The following ARPP19 variants were observed in gnomAD, a reference collection of about 807,000 sequenced individuals.
The protein encoded by ARPP19 is cAMP regulated phosphoprotein 19.
ARPP19 carries 8 observed loss-of-function variants against 12.0 expected under a neutral mutation model. That is an observed-to-expected ratio of 0.67 (90% confidence interval 0.39 to 1.21). The LOEUF is 1.21. Ranked by LOEUF, ARPP19 falls within the 50% of genes most tolerant of loss-of-function variation. The pLI is 0.01. For synonymous variants in ARPP19, 47 were observed against 50.4 expected (o/e 0.93, Z 0.29); for missense variants, 102 against 136.3 (o/e 0.75, Z 1.25).
At chr15:52,556,233 T>A (rs1308012523) in intron 2 of ARPP19, among the ~76,000 whole-genome samples, 1 of 152,118 alleles carries the variant, frequency 6.6e-6, no homozygotes, top group African/African-American at 2.4e-5. Context: ...TATGAATGTA[T>A]TTAAGGAGAA....
intron 1 of ARPP19, among the ~76,000 whole-genome samples, chr15:52,558,835 C>CG (rs111387062): frequency 0.022 from 3,347 of 150,502 alleles, 114 homozygotes; most frequent in African/African-American, 0.077. Flanking sequence ...TTTGTACCCA[C>CG]GGGGGGGAAA....
At chr15:52,552,798 G>A (rs2077947443) in intron 2 of ARPP19, among the ~76,000 whole-genome samples, 1 of 152,038 alleles carries the variant, frequency 6.6e-6, no homozygotes, top group African/African-American at 2.4e-5. Flanking sequence ...GGCTGGGCAT[G>A]GTGGCTCATG....
intron 1 of ARPP19, chr15:52,557,894 A>C (rs925952570): frequency 7.2e-5 from 11 of 152,252 alleles, no homozygotes; most frequent in African/African-American, 2.4e-4. Flanking sequence ...TTATTTTTAA[A>C]GAAGAGAAAC....
rs2077922769 is a variant in ARPP19 at position 52,550,759 on chromosome 15, G to A, written c.*1175C>T. 1 of 152,510 alleles carries A rather than the reference G, an allele frequency of 6.6e-6. No individual in the cohort carries two copies. The highest frequency in any genetic ancestry group is 2.4e-5 in the African/African-American group (1 of 41,408). 9.4% of individuals were successfully genotyped at this position (152,510 alleles called of 1,614,324 possible). A position where few individuals can be genotyped will look rare whatever the true frequency, so the allele number is the denominator to read the frequency against. On this transcript the variant is annotated 3_prime_UTR_variant, in exon 3 of 3. Coordinates refer to ENST00000249822, the MANE Select transcript of ARPP19 (RefSeq NM_006628.6). ...ATACCATTTGAGTCAAAGAACAAAGGGGAAAAAAAAGCAGGTGGCAGAGGG... is the reference window on the plus strand; with the variant it reads ...ATACCATTTGAGTCAAAGAACAAAGAGGAAAAAAAAGCAGGTGGCAGAGGG...
intron 1 of ARPP19, among the ~76,000 whole-genome samples, chr15:52,561,934 C>CTTT (rs11340086): frequency 3.7e-4 from 47 of 126,944 alleles, no homozygotes; most frequent in South Asian, 1.0e-3. Flanking sequence ...AGTGCACCTA[C>CTTT]TTTTTTTTTT....
chr15:52,553,502 C>T (rs1156892572), intron 2 of ARPP19, among the ~76,000 whole-genome samples: 1 of 152,156 alleles, frequency 6.6e-6, no homozygotes, highest in Non-Finnish European at 1.5e-5. Context: ...TACTGAGTGC[C>T]TGCTATATGT....
In ARPP19 at chr15:52,551,871, G is replaced by A; in HGVS notation, c.*63C>T. On this transcript the variant is annotated 3_prime_UTR_variant, in exon 3 of 3. Coordinates refer to ENST00000249822, the MANE Select transcript of ARPP19 (RefSeq NM_006628.6). The stretch of plus-strand genomic sequence containing the variant: ...AGTGAATGAAAGGAAATAAAAAGTA[G>A]ATAAGTAACATATTAAGGAGAAATA... 2 of 1,229,190 alleles carry A rather than the reference G, an allele frequency of 1.6e-6. No individual in the cohort carries two copies. The highest frequency in any genetic ancestry group is 2.3e-6 in the Non-Finnish European group (2 of 854,868). The allele number at this position is 1,229,190 out of a possible 1,614,324, so 76.1% of individuals were successfully genotyped here. A position where few individuals can be genotyped will look rare whatever the true frequency, so the allele number is the denominator to read the frequency against.
rs756609289 is a variant in ARPP19 at position 52,568,876 on chromosome 15, G to C, written c.17C>G (p.Pro6Arg). Reference sequence around the variant, plus strand: ...CTGCTCCTCCGCGGAGGCTGCCTCGGGGACTTCCGCAGACATAGTGCTCCC... The same window carrying C: ...CTGCTCCTCCGCGGAGGCTGCCTCGCGGACTTCCGCAGACATAGTGCTCCC... MSAEV[P>R]EAASAEEQKE... Residue 6 changes from proline (P) to arginine (R), a missense_variant, in exon 1 of 3, where the codon CCC becomes CGC. Pro to Arg is a moderately radical substitution (Grantham distance 103, BLOSUM62 -2). Coordinates refer to ENST00000249822, the MANE Select transcript of ARPP19 (RefSeq NM_006628.6). 1 of 1,575,238 alleles carries C rather than the reference G, an allele frequency of 6.3e-7. No individual in the cohort carries two copies. Among genetic ancestry groups the C allele is most frequent in the Non-Finnish European group, 8.6e-7 (1 of 1,164,530 alleles).
upstream of ARPP19, chr15:52,569,248 C>T (rs1185937834): frequency 6.4e-6 from 2 of 312,250 alleles, no homozygotes; most frequent in African/African-American, 2.3e-5. Context: ...CTAAGTGGAA[C>T]CGCCCCTCCC....
At chr15:52,560,095 G>C (rs990851035) in intron 1 of ARPP19, among the ~76,000 whole-genome samples, 6 of 152,092 alleles carry the variant, frequency 3.9e-5, no homozygotes, top group Non-Finnish European at 7.4e-5. Context: ...ACTTACTCTG[G>C]TTTCCAGTGT....
chr15:52,569,035 C>A (rs1352436747), upstream of ARPP19: 2 of 629,942 alleles, frequency 3.2e-6, no homozygotes, highest in Non-Finnish European at 5.5e-6. Flanking sequence ...TATGACGACA[C>A]GGAGCCGCGA....
rs11340086 is a variant in ARPP19 at position 52,561,934 on chromosome 15, C to CTTTT, written c.46-4716_46-4713dup. Among the ~76,000 whole-genome samples, 25 of 126,968 alleles carry CTTTT rather than the reference C, an allele frequency of 2.0e-4. 1 individual carries two copies. Among genetic ancestry groups the CTTTT allele is most frequent in the South Asian group, 1.3e-3 (5 of 3,868 alleles). 83.3% of individuals were successfully genotyped at this position (126,968 alleles called of 152,430 possible). A position where few individuals can be genotyped will look rare whatever the true frequency, so the allele number is the denominator to read the frequency against. On this transcript the variant is annotated intron_variant, in intron 1 of 2. Coordinates refer to ENST00000249822, the MANE Select transcript of ARPP19 (RefSeq NM_006628.6). The stretch of plus-strand genomic sequence containing the variant: ...AAACAGAGCTAGTGCAGTGCACCTA[C>CTTTT]TTTTTTTTTTTTTTTTTTTTTTATT...
At chr15:52,556,181 T>TAC (rs1457864627) in intron 2 of ARPP19, among the ~76,000 whole-genome samples, 1 of 149,992 alleles carries the variant, frequency 6.7e-6, no homozygotes, top group African/African-American at 2.4e-5. Flanking sequence ...CTAGAGCTAA[T>TAC]ACACACACAG....
intron 1 of ARPP19, among the ~76,000 whole-genome samples, chr15:52,567,496 T>C (rs1355431938): frequency 6.6e-6 from 1 of 152,196 alleles, no homozygotes; most frequent in Admixed American, 6.5e-5. Context: ...GACTTGTTAT[T>C]TTTGGGGGCT....
chr15:52,563,451 A>G (rs73396714), intron 1 of ARPP19, among the ~76,000 whole-genome samples: 15,284 of 152,248 alleles, frequency 0.1, 855 homozygotes, highest in Middle Eastern at 0.17. Flanking sequence ...AAACAAAAAC[A>G]AAAATCTTAA....
chr15:52,558,285 T>TA (rs760166538), intron 1 of ARPP19, among the ~76,000 whole-genome samples: 1 of 151,814 alleles, frequency 6.6e-6, no homozygotes, highest in South Asian at 2.1e-4. Flanking sequence ...CCAACCTTTG[T>TA]AAAAAAGTTT....
intron 1 of ARPP19, among the ~76,000 whole-genome samples, chr15:52,562,624 C>G (rs777362970): frequency 1.3e-5 from 2 of 150,210 alleles, no homozygotes; most frequent in African/African-American, 2.4e-5. Context: ...GAGTGAGACC[C>G]TGTTTCTTTA....
Position 52,548,320 on chromosome 15 carries a change from C to CT in ARPP19, c.*3613dup, listed in dbSNP as rs2077897547. ...TGGCCAACATGGTGAAACCCCATCT[C>CT]TACTAAAAGTACAAAAATTGGCTGG... On this transcript the variant is annotated 3_prime_UTR_variant, in exon 3 of 3. Transcript: ENST00000249822. 1 of 152,176 alleles carries CT rather than the reference C, an allele frequency of 6.6e-6. No homozygotes were observed. The highest frequency in any genetic ancestry group is 1.5e-5 in the Non-Finnish European group (1 of 68,068). The allele number at this position is 152,176 out of a possible 1,614,324, so 9.4% of individuals were successfully genotyped here.
At chr15:52,568,793 C>G in intron 1 of ARPP19, 55 bp downstream of exon 1, 2 of 1,398,008 alleles carry the variant, frequency 1.4e-6, no homozygotes, top group Non-Finnish European at 9.5e-7. Flanking sequence ...GGGAGCAGGC[C>G]GCCCGCCAGA....
Sources: gnomAD v4.1 joint callset for allele counts (sites outside exome capture counted in the v4.1 genomes callset) on GRCh38, gnomAD v4.1.1 for gene constraint, MANE v1.5 for transcripts, NCBI Gene and HGNC (gene_info 2026-07-23, HGNC 2026-07-21) for gene names.